The following ZNF2 variants were observed in gnomAD, a reference collection of about 807,000 sequenced individuals.
The protein encoded by ZNF2 is zinc finger protein 2.2.
In ZNF2, 12 loss-of-function variants were observed where a neutral mutation model predicts 21.9. The ratio of observed to expected loss-of-function variants is 0.55; its 90% CI spans 0.35 to 0.89. The LOEUF is 0.89. Among genes scored for constraint, ZNF2 ranks in the 40% least tolerant of loss-of-function variants. ZNF2 has a pLI of 0.01. For missense variants in ZNF2, 462 were observed against 544.2 expected (o/e 0.85, Z 1.50); for synonymous variants, 186 against 196.3 (o/e 0.95, Z 0.44).
intron 1 of ZNF2, among the ~76,000 whole-genome samples, chr2:95,166,067 C>T (rs1010818343): frequency 2.6e-5 from 4 of 151,996 alleles, no homozygotes; most frequent in Non-Finnish European, 5.9e-5. Context: ...GGGGTCTGGG[C>T]ACCCATTGTA....
At chr2:95,176,309 T>C in intron 2 of ZNF2, 50 bp downstream of exon 2, 1 of 1,612,192 alleles carries the variant, frequency 6.2e-7, no homozygotes, top group Non-Finnish European at 8.5e-7. Context: ...CTCCAGAATG[T>C]AACCACTTTT....
chr2:95,182,461 ATT>A lies in ZNF2; in HGVS notation c.*365_*366del. 2 of 170,510 alleles carry A rather than the reference ATT, an allele frequency of 1.2e-5. No homozygotes were observed. The highest frequency in any genetic ancestry group is 6.0e-5 in the Admixed American group (1 of 16,730). 10.6% of individuals were successfully genotyped at this position (170,510 alleles called of 1,614,324 possible). ...GGCAGAATGATATCACAGCAGTACTATTTTTTTTTTTCAGAACATTTGTTTTG... is the reference window on the plus strand; with the variant it reads ...GGCAGAATGATATCACAGCAGTACTATTTTTTTTTCAGAACATTTGTTTTG... On this transcript the variant is annotated 3_prime_UTR_variant, in exon 5 of 5. Transcript: ENST00000614034.
chr2:95,167,322 G>C (rs1393289804), intron 1 of ZNF2, among the ~76,000 whole-genome samples: 1 of 151,984 alleles, frequency 6.6e-6, no homozygotes, highest in African/African-American at 2.4e-5. Flanking sequence ...GGCTAACACG[G>C]TGAAACCCCG....
At chr2:95,178,485 A>T (rs1674522881) in intron 3 of ZNF2, among the ~76,000 whole-genome samples, 1 of 152,196 alleles carries the variant, frequency 6.6e-6, no homozygotes, top group African/African-American at 2.4e-5. Context: ...TATTGAGGAA[A>T]ATAGAACCCC....
rs1558718723 is a variant in ZNF2, at chr2:95,183,260, G to GA, written c.*1154_*1155insA. The GA allele has an allele frequency of 6.6e-6, 1 of 152,190 alleles. No homozygotes were observed. The highest frequency in any genetic ancestry group is 1.5e-5 in the Non-Finnish European group (1 of 68,062). The allele number at this position is 152,190 out of a possible 1,614,324, so 9.4% of individuals were successfully genotyped here. A position where few individuals can be genotyped will look rare whatever the true frequency, so the allele number is the denominator to read the frequency against. On this transcript the variant is annotated 3_prime_UTR_variant, in exon 5 of 5. Coordinates refer to ENST00000614034, the MANE Select transcript of ZNF2 (RefSeq NM_021088.4). ...TGGCTTCCAAAGTCACCACAAGGGC[G>GA]GAAGAGAAAGCTAGAGGAATTTGTA...
In ZNF2 at chr2:95,177,472, T is replaced by C; in HGVS notation, c.34-11T>C. On this transcript the variant is annotated splice_polypyrimidine_tract_variant and intron_variant, in intron 2 of 4. Transcript: ENST00000614034. ...GATTAAGAGTAAGGGAGAATGTGAT[T>C]GTATTTTCAGGAATCAGTGACATTC... is the stretch of plus-strand genomic sequence containing the variant. 1 of 1,613,142 alleles carries C rather than the reference T, an allele frequency of 6.2e-7. No homozygotes were observed. Among genetic ancestry groups the C allele is most frequent in the South Asian group, 1.1e-5 (1 of 90,918 alleles).
At chr2:95,173,699 G>A (rs558054009) in intron 1 of ZNF2, among the ~76,000 whole-genome samples, 2 of 152,286 alleles carry the variant, frequency 1.3e-5, no homozygotes, top group South Asian at 4.1e-4. Context: ...TTAAGATGAT[G>A]GGTTTTTTTG....
Position 95,182,299 on chromosome 2 carries a change from C to A in ZNF2, c.*193C>A. On this transcript the variant is annotated 3_prime_UTR_variant, in exon 5 of 5. Coordinates refer to ENST00000614034, the MANE Select transcript of ZNF2 (RefSeq NM_021088.4). ...ACTGTAGGGGAGGCCATGGAAATGA[C>A]TCTAAAGATACAAAATTTTGAAGAG... is the stretch of plus-strand genomic sequence containing the variant. 1.5e-6 allele frequency: 1 copy of A among 671,814 alleles called. No individual in the cohort carries two copies. 41.6% of individuals were successfully genotyped at this position (671,814 alleles called of 1,614,324 possible). A position where few individuals can be genotyped will look rare whatever the true frequency, so the allele number is the denominator to read the frequency against.
At chr2:95,172,181 G>A (rs542025096) in intron 1 of ZNF2, among the ~76,000 whole-genome samples, 2 of 152,288 alleles carry the variant, frequency 1.3e-5, no homozygotes, top group South Asian at 2.1e-4. Context: ...CATAGGCACC[G>A]TCTGCCTAAC....
intron 1 of ZNF2, among the ~76,000 whole-genome samples, chr2:95,172,895 C>T (rs943486202): frequency 4.6e-5 from 7 of 151,880 alleles, no homozygotes; most frequent in Admixed American, 3.9e-4. Flanking sequence ...CCTCGGTCTC[C>T]CAAAGTGCTG....
At position 95,183,923 on chromosome 2, in the gene ZNF2, A is replaced by G. The variant is rs1326367641; in HGVS notation, c.*1817A>G. ...ACGTAAGTCACCGTGCCCGGCCTAT[A>G]TTTTTATTTTATTAAAGGTTAGGCA... On this transcript the variant is annotated 3_prime_UTR_variant, in exon 5 of 5. Transcript: ENST00000614034. The G allele has an allele frequency of 2.0e-5, 3 of 151,948 alleles. No individual in the cohort carries two copies. Among genetic ancestry groups the G allele is most frequent in the African/African-American group, 7.3e-5 (3 of 41,358 alleles). 9.4% of individuals were successfully genotyped at this position (151,948 alleles called of 1,614,324 possible).
At chr2:95,180,378 G>T in intron 4 of ZNF2, 106 bp downstream of exon 4, 1 of 732,206 alleles carries the variant, frequency 1.4e-6, no homozygotes, top group Non-Finnish European at 2.3e-6. Flanking sequence ...CAAGTCTTCT[G>T]CTTTATTATT....
At position 95,181,314 on chromosome 2, in the gene ZNF2, G is replaced by A. The variant is rs1674638970; in HGVS notation, c.486G>A (p.Leu162=). The change falls in exon 5 of 5, where the codon CTG becomes CTA. Residue 162 remains leucine (L), a synonymous_variant. Transcript: ENST00000614034. ...AAGGCTTGCGGCGACGGTCAGCCCT[G>A]TCCAGGGAAATTCTCACTAAAGAGA... ...RDKGLRRRSA[L]SREILTKERH... 1 of 1,614,202 alleles carries A rather than the reference G, an allele frequency of 6.2e-7. No individual in the cohort carries two copies. The highest frequency in any genetic ancestry group is 2.2e-5 in the East Asian group (1 of 44,870).
rs542585322 is a variant in ZNF2 at position 95,167,051 on chromosome 2, A to G, written c.-40+1191A>G. ...ACGAAGAAAGTACAAAGACTGAGCT[A>G]TGGGCAGCATCCATGTTTCCAGGGC... On this transcript the variant is annotated intron_variant, in intron 1 of 4. Coordinates refer to ENST00000614034, the MANE Select transcript of ZNF2 (RefSeq NM_021088.4). Among the ~76,000 whole-genome samples, 4 of 152,334 alleles carry G rather than the reference A, an allele frequency of 2.6e-5. No homozygotes were observed. The East Asian group carries it at 7.7e-4, about 29-fold the overall frequency.
chr2:95,171,617 G>C (rs1323319057), intron 1 of ZNF2, among the ~76,000 whole-genome samples: 1 of 152,046 alleles, frequency 6.6e-6, no homozygotes, highest in African/African-American at 2.4e-5. Context: ...TCCTGACCTC[G>C]TGATCCACCC....
In ZNF2 at chr2:95,183,651, C is replaced by A. The variant is rs1674760765; in HGVS notation, c.*1545C>A. On this transcript the variant is annotated 3_prime_UTR_variant, in exon 5 of 5. Transcript: ENST00000614034. ...TTTTTTTTTTTGTGAGACAGAGTCT[C>A]ACTCTGTCACCCAGGTTGGAATGCA... 7.8e-6 allele frequency: 1 copy of A among 128,620 alleles called. No homozygotes were observed. The highest frequency in any genetic ancestry group is 1.6e-5 in the Non-Finnish European group (1 of 63,640). The allele number at this position is 128,620 out of a possible 1,614,324, so 8.0% of individuals were successfully genotyped here.
intron 1 of ZNF2, among the ~76,000 whole-genome samples, chr2:95,167,399 G>T (rs867705334): frequency 6.6e-6 from 1 of 151,590 alleles, no homozygotes; most frequent in Non-Finnish European, 1.5e-5. Flanking sequence ...CCGGCTACTC[G>T]GGAGGCTGAG....
chr2:95,168,066 G>T (rs1487935875), intron 1 of ZNF2, among the ~76,000 whole-genome samples: 1 of 151,828 alleles, frequency 6.6e-6, no homozygotes, highest in East Asian at 1.9e-4. Flanking sequence ...GGTAGAGGAG[G>T]CTTGTATGTC....
chr2:95,172,638 GTT>G (rs779777588), intron 1 of ZNF2, among the ~76,000 whole-genome samples: 20 of 137,150 alleles, frequency 1.5e-4, no homozygotes, highest in Admixed American at 2.9e-4. Flanking sequence ...TTTCTTTGTG[GTT>G]TTTTTTTTTT....
Sources: gnomAD v4.1 joint callset for allele counts (sites outside exome capture counted in the v4.1 genomes callset) on GRCh38, gnomAD v4.1.1 for gene constraint, MANE v1.5 for transcripts, NCBI Gene and HGNC (gene_info 2026-07-23, HGNC 2026-07-21) for gene names.